Variants in SNX24 observed in about 807,000 individuals in gnomAD.
The protein encoded by SNX24 is sorting nexin-24.
In SNX24, 22 loss-of-function variants were observed where a neutral mutation model predicts 28.7. The ratio of observed to expected loss-of-function variants is 0.77; its 90% CI spans 0.55 to 1.10. The LOEUF (loss-of-function observed/expected upper bound fraction) is 1.10. SNX24 is among the 50% of genes least tolerant of loss of function. SNX24 has a pLI of 0.00. For synonymous variants in SNX24, 69 were observed against 71.5 expected (o/e 0.96, Z 0.18); for missense variants, 221 against 201.1 (o/e 1.10, Z -0.60).
At chr5:122,964,012 G>T (rs1199622424) in intron 3 of SNX24, among the ~76,000 whole-genome samples, 1 of 152,028 alleles carries the variant, frequency 6.6e-6, no homozygotes, top group East Asian at 1.9e-4. Flanking sequence ...GGAGGCTGAG[G>T]TGGGCAGATC....
intron 1 of SNX24, among the ~76,000 whole-genome samples, chr5:122,852,295 T>C (rs1489099702): frequency 2.6e-5 from 4 of 151,966 alleles, no homozygotes; most frequent in African/African-American, 7.2e-5. Context: ...TCCGAGACAC[T>C]GAGTGAGGGA....
chr5:122,916,997 G>A (rs551396776), intron 1 of SNX24, among the ~76,000 whole-genome samples: 6 of 152,234 alleles, frequency 3.9e-5, no homozygotes, highest in Non-Finnish European at 8.8e-5. Context: ...GGCTGGGCGC[G>A]GTGGCTCACG....
chr5:122,885,250 C>G (rs1402120208), intron 1 of SNX24, among the ~76,000 whole-genome samples: 1 of 152,086 alleles, frequency 6.6e-6, no homozygotes, highest in Admixed American at 6.5e-5. Flanking sequence ...CTGCTTGCCT[C>G]CCTGCCTCTC....
intron 1 of SNX24, among the ~76,000 whole-genome samples, chr5:122,882,338 C>T (rs1359433483): frequency 6.6e-6 from 1 of 152,206 alleles, no homozygotes; most frequent in Non-Finnish European, 1.5e-5. Flanking sequence ...ACCTTGTTAG[C>T]CTTTTTTCCT....
intron 3 of SNX24, among the ~76,000 whole-genome samples, chr5:122,957,255 CA>C (rs1479504942): frequency 6.6e-6 from 1 of 152,176 alleles, no homozygotes; most frequent in Non-Finnish European, 1.5e-5. Flanking sequence ...TTTCCTAGCA[CA>C]ATTTGTTGAA....
chr5:122,898,178 A>T (rs1757283342), intron 1 of SNX24, among the ~76,000 whole-genome samples: 1 of 152,218 alleles, frequency 6.6e-6, no homozygotes, highest in South Asian at 2.1e-4. Flanking sequence ...CTTAAGGAAG[A>T]TTCATGATGA....
intron 3 of SNX24, chr5:122,965,485 G>T (rs1403829355): frequency 2.2e-6 from 1 of 455,234 alleles, no homozygotes; most frequent in Admixed American, 2.3e-5. Flanking sequence ...TTCTTCTGTT[G>T]ATTTGGCTTA....
chr5:123,026,454 G>A (rs1191670440), intron 5 of SNX24, among the ~76,000 whole-genome samples: 5 of 152,126 alleles, frequency 3.3e-5, no homozygotes, highest in South Asian at 2.1e-4. Flanking sequence ...TACCCACACC[G>A]AATTCTCATA....
intron 1 of SNX24, among the ~76,000 whole-genome samples, chr5:122,930,699 T>G (rs1758913738): frequency 6.6e-6 from 1 of 152,208 alleles, no homozygotes; most frequent in South Asian, 2.1e-4. Context: ...ATTCTTCTCA[T>G]TGTAGATTGG....
At chr5:122,950,310 G>A (rs1216300062) in intron 3 of SNX24, among the ~76,000 whole-genome samples, 1 of 152,196 alleles carries the variant, frequency 6.6e-6, no homozygotes, top group Non-Finnish European at 1.5e-5. Context: ...TACCAATAAA[G>A]GTTGTATGTG....
intron 5 of SNX24, among the ~76,000 whole-genome samples, chr5:123,020,332 C>T (rs1294151299): frequency 6.6e-6 from 1 of 152,192 alleles, no homozygotes; most frequent in Non-Finnish European, 1.5e-5. Context: ...AAAAATCCCA[C>T]CATTTGCATT....
chr5:123,007,359 A>T (rs534692857), intron 6 of SNX24, among the ~76,000 whole-genome samples: 2 of 152,382 alleles, frequency 1.3e-5, no homozygotes, highest in East Asian at 3.9e-4. Flanking sequence ...TTGAATTGCC[A>T]GTGTAATCCA....
intron 3 of SNX24, among the ~76,000 whole-genome samples, chr5:122,974,998 T>C (rs1188521224): frequency 6.6e-6 from 1 of 152,208 alleles, no homozygotes; most frequent in Admixed American, 6.5e-5. Context: ...ATTAATTACC[T>C]GACCTCCGTA....
rs1188470686 is a variant in SNX24, at chr5:122,845,632, C to T, written c.-2C>T. On this transcript the variant is annotated 5_prime_UTR_variant, in exon 1 of 7. Coordinates refer to ENST00000261369, the MANE Select transcript of SNX24 (RefSeq NM_014035.4). ...GCCCTCAGCCGGCTGGCCGGCGCGG[C>T]CATGGAGGTCTACATCCCGTCCTTT... 3.0e-5 allele frequency: 43 copies of T among 1,411,654 alleles called. 1 individual carries two copies. The highest frequency in any genetic ancestry group is 3.8e-5 in the Non-Finnish European group (41 of 1,073,912). The allele number at this position is 1,411,654 out of a possible 1,614,324, so 87.4% of individuals were successfully genotyped here. A position where few individuals can be genotyped will look rare whatever the true frequency, so the allele number is the denominator to read the frequency against.
At chr5:122,857,707 A>G (rs955613629) in intron 1 of SNX24, among the ~76,000 whole-genome samples, 1 of 152,168 alleles carries the variant, frequency 6.6e-6, no homozygotes, top group African/African-American at 2.4e-5. Context: ...AACGGCCTCC[A>G]GCTTCATCCA....
At chr5:122,963,174 C>T (rs548284077) in intron 3 of SNX24, among the ~76,000 whole-genome samples, 55 of 152,310 alleles carry the variant, frequency 3.6e-4, no homozygotes, top group Non-Finnish European at 2.9e-5. Context: ...GCACAAGTTG[C>T]AATGAGCCGA....
chr5:122,971,025 G>A lies in SNX24; in HGVS notation c.249+24866G>A, dbSNP rs952700176. ...ACACAATCACAAGGTGAAGTCTCAC[G>A]ATAGGCTCTCTGCAAGCTAAGGAGC... On this transcript the variant is annotated intron_variant, in intron 3 of 6. Transcript: ENST00000261369. Among the ~76,000 whole-genome samples the A allele has an allele frequency of 3.2e-4, 48 of 152,262 alleles. 1 individual carries two copies. Among genetic ancestry groups the A allele is most frequent in the African/African-American group, 1.1e-3 (45 of 41,546 alleles).
At chr5:122,926,009 A>G (rs1274314082) in intron 1 of SNX24, among the ~76,000 whole-genome samples, 4 of 151,740 alleles carry the variant, frequency 2.6e-5, no homozygotes, top group Non-Finnish European at 4.4e-5. Context: ...GTGAGTGTGT[A>G]TGTTTGTGTG....
intron 3 of SNX24, among the ~76,000 whole-genome samples, chr5:122,966,031 G>A (rs541850475): frequency 2.4e-4 from 36 of 152,180 alleles, no homozygotes; most frequent in Non-Finnish European, 4.9e-4. Context: ...TATCAAAAAG[G>A]AAAATTGATT....
Sources: gnomAD v4.1 joint callset for allele counts (sites outside exome capture counted in the v4.1 genomes callset) on GRCh38, gnomAD v4.1.1 for gene constraint, MANE v1.5 for transcripts, NCBI Gene and HGNC (gene_info 2026-07-23, HGNC 2026-07-21) for gene names.